JPH2: variants seen among roughly 807,000 people sequenced by gnomAD.
JPH2 encodes the protein junctophilin-2.
Under a neutral mutation model 55.9 loss-of-function variants are expected in JPH2, and 38 were observed. That is an observed-to-expected ratio of 0.68 (90% CI 0.52 to 0.89). JPH2 has a LOEUF of 0.89. Among genes scored for constraint, JPH2 ranks in the 40% least tolerant of loss-of-function variants. JPH2 has a pLI of 0.00. For synonymous variants in JPH2, 480 were observed against 472.4 expected (o/e 1.02, Z -0.21); for missense variants, 964 against 1,037.6 (o/e 0.93, Z 0.97).
At chr20:44,123,275 C>T (rs945566888) in intron 2 of JPH2, among the ~76,000 whole-genome samples, 1 of 152,208 alleles carries the variant, frequency 6.6e-6, no homozygotes, top group Non-Finnish European at 1.5e-5. Flanking sequence ...TCCCTCCCCA[C>T]CTCCTTCCAC....
In JPH2 at chr20:44,186,745, G is replaced by A; in HGVS notation, c.-40C>T. On this transcript the variant is annotated 5_prime_UTR_variant, in exon 1 of 6. Coordinates refer to ENST00000372980, the MANE Select transcript of JPH2 (RefSeq NM_020433.5). ...TGACAACCTCCCCGTCCTCCAGCGT[G>A]GGTGCAGAGGGCGTGGGTGATGCCT... is the stretch of plus-strand genomic sequence containing the variant. The A allele has an allele frequency of 6.3e-7, 1 of 1,589,890 alleles. No homozygotes were observed. The highest frequency in any genetic ancestry group is 8.5e-7 in the Non-Finnish European group (1 of 1,173,060).
intron 2 of JPH2, among the ~76,000 whole-genome samples, chr20:44,126,385 T>C (rs1362478879): frequency 1.3e-5 from 2 of 152,276 alleles, no homozygotes; most frequent in Admixed American, 6.5e-5. Flanking sequence ...CTCAGGCCAC[T>C]GCCAGCCTCT....
chr20:44,150,439 T>C (rs569028195), intron 2 of JPH2, among the ~76,000 whole-genome samples: 2 of 152,298 alleles, frequency 1.3e-5, no homozygotes, highest in East Asian at 3.9e-4. Flanking sequence ...AGACTTAAAA[T>C]TGTTAAAAGG....
chr20:44,125,848 G>A (rs1600835072), intron 2 of JPH2, among the ~76,000 whole-genome samples: 1 of 152,204 alleles, frequency 6.6e-6, no homozygotes, highest in South Asian at 2.1e-4. Context: ...GATGTGAGGA[G>A]TAAATTAGTT....
At chr20:44,168,130 G>C (rs910659678) in intron 1 of JPH2, among the ~76,000 whole-genome samples, 1 of 152,176 alleles carries the variant, frequency 6.6e-6, no homozygotes, top group African/African-American at 2.4e-5. Context: ...TGACAGGTCA[G>C]AGTCTTTGCC....
chr20:44,148,879 T>A (rs1444881910), intron 2 of JPH2, among the ~76,000 whole-genome samples: 3 of 152,014 alleles, frequency 2.0e-5, no homozygotes, highest in Non-Finnish European at 4.4e-5. Context: ...CTGGCTAACA[T>A]GGTGAAACCC....
intron 2 of JPH2, among the ~76,000 whole-genome samples, chr20:44,157,812 G>A (rs1217829404): frequency 6.6e-6 from 1 of 151,504 alleles, no homozygotes; most frequent in African/African-American, 2.4e-5. Context: ...AAGACCATGT[G>A]CCCAGTCTCC....
intron 1 of JPH2, chr20:44,177,996 G>T (rs750595757): frequency 6.4e-6 from 6 of 944,562 alleles, no homozygotes; most frequent in Non-Finnish European, 8.8e-6. Flanking sequence ...GGAAACAGAA[G>T]CTCAGGGAGG....
intron 2 of JPH2, among the ~76,000 whole-genome samples, chr20:44,121,626 C>T (rs1191526276): frequency 6.6e-6 from 1 of 151,820 alleles, no homozygotes; most frequent in Non-Finnish European, 1.5e-5. Context: ...CCCCCAATAA[C>T]TCTACAGGGT....
At position 44,111,659 on chromosome 20, in the gene JPH2, A is replaced by G. The variant is rs561721038; in HGVS notation, c.*1859T>C. ...CCCACCCTCCTTGAGCCAGCCCCTC[A>G]TCCTGGACCCACAAGCACATTGCAG... On this transcript the variant is annotated 3_prime_UTR_variant, in exon 6 of 6. Coordinates refer to ENST00000372980, the MANE Select transcript of JPH2 (RefSeq NM_020433.5). 3.4e-5 allele frequency: 5 copies of G among 148,278 alleles called. No individual in the cohort carries two copies. In the East Asian group the frequency reaches 1.0e-3, roughly 30 times the overall value. The allele number at this position is 148,278 out of a possible 1,614,324, so 9.2% of individuals were successfully genotyped here.
At chr20:44,148,340 C>T (rs759862760) in intron 2 of JPH2, among the ~76,000 whole-genome samples, 3 of 152,192 alleles carry the variant, frequency 2.0e-5, no homozygotes, top group African/African-American at 4.8e-5. Context: ...TTCCCCGAGA[C>T]AGCTGAGGCT....
chr20:44,115,839 G>A lies in JPH2; in HGVS notation c.1836C>T (p.Pro612=), dbSNP rs988341308. The change falls in exon 4 of 6, where the codon CCC becomes CCT. Residue 612 remains proline (P), a synonymous_variant. Transcript: ENST00000372980. ...TGGCGGGGGTCTCGCGTGCAGGCTC[G>A]GGGCCTCGGAGCGTGGGGGCCTGCA... is the stretch of plus-strand genomic sequence containing the variant. ...APLQAPTLRG[P]EPARETPAKL... is the part of the protein sequence containing the mutation. 6 of 1,596,336 alleles carry A rather than the reference G, an allele frequency of 3.8e-6. No individual in the cohort carries two copies. The highest frequency in any genetic ancestry group is 5.1e-6 in the Non-Finnish European group (6 of 1,176,502).
chr20:44,186,493 C>T lies in JPH2; in HGVS notation c.213G>A (p.Gly71=). Residue 71 remains glycine (G), a synonymous_variant, in exon 1 of 6, where the codon GGG becomes GGA. Transcript: ENST00000372980. Reference sequence around the variant, plus strand: ...AGCGCCCCTTGGTCTCTATGCCCAGCCCATGCCGTTTGCCCTGGCTCCAGT... The same window carrying T: ...AGCGCCCCTTGGTCTCTATGCCCAGTCCATGCCGTTTGCCCTGGCTCCAGT... ...EGYWSQGKRH[G]LGIETKGRWL... The T allele has an allele frequency of 1.9e-6, 3 of 1,614,162 alleles. No individual in the cohort carries two copies. The highest frequency in any genetic ancestry group is 2.5e-6 in the Non-Finnish European group (3 of 1,180,030).
At chr20:44,150,435 A>G (rs1307415464) in intron 2 of JPH2, among the ~76,000 whole-genome samples, 2 of 152,348 alleles carry the variant, frequency 1.3e-5, no homozygotes, top group South Asian at 2.1e-4. Context: ...TGGAAGACTT[A>G]AAATTGTTAA....
chr20:44,111,587 AACAAGGAC>A lies in JPH2; in HGVS notation c.*1923_*1930del, dbSNP rs2072144066. ...TCAGCTGCCCCTCAAGGATCGTGAGAACAAGGACACAGATGGGAAGGACCCACGTCCCC... is the reference window on the plus strand; with the variant it reads ...TCAGCTGCCCCTCAAGGATCGTGAGAACAGATGGGAAGGACCCACGTCCCC... On this transcript the variant is annotated 3_prime_UTR_variant, in exon 6 of 6. Coordinates refer to ENST00000372980, the MANE Select transcript of JPH2 (RefSeq NM_020433.5). The A allele has an allele frequency of 6.6e-6, 1 of 152,300 alleles. No homozygotes were observed. Among genetic ancestry groups the A allele is most frequent in the Admixed American group, 6.5e-5 (1 of 15,286 alleles). The allele number at this position is 152,300 out of a possible 1,614,324, so 9.4% of individuals were successfully genotyped here.
intron 1 of JPH2, among the ~76,000 whole-genome samples, chr20:44,176,526 G>A (rs1400187071): frequency 2.0e-5 from 3 of 152,116 alleles, no homozygotes; most frequent in African/African-American, 7.2e-5. Context: ...CATAGGCCGG[G>A]CACAGTGACT....
At chr20:44,131,417 T>C (rs1301684803) in intron 2 of JPH2, among the ~76,000 whole-genome samples, 2 of 75,676 alleles carry the variant, frequency 2.6e-5, no homozygotes, top group Non-Finnish European at 5.9e-5. Context: ...GACTCAGCTA[T>C]ACCCTGATAC....
chr20:44,114,166 C>T (rs1372027211), intron 5 of JPH2, among the ~76,000 whole-genome samples: 2 of 152,146 alleles, frequency 1.3e-5, no homozygotes, highest in South Asian at 4.2e-4. Flanking sequence ...CACTCCACTT[C>T]ACGGGAACTT....
At chr20:44,186,167 A>G (rs912260655) in intron 1 of JPH2, among the ~76,000 whole-genome samples, 160 bp downstream of exon 1, 17 of 152,132 alleles carry the variant, frequency 1.1e-4, no homozygotes, top group Admixed American at 9.8e-4. Context: ...AGAAAATGGA[A>G]GCTCAGAAAG....
Sources: allele counts gnomAD v4.1 joint callset (sites outside exome capture counted in the v4.1 genomes callset), GRCh38; gene constraint gnomAD v4.1.1; transcripts MANE v1.5; gene names NCBI Gene and HGNC (gene_info 2026-07-23, HGNC 2026-07-21).